Variants in FOXN4 observed in about 807,000 individuals in gnomAD.
FOXN4 encodes the protein forkhead box protein N4.
In FOXN4, 12 loss-of-function variants were observed where a neutral mutation model predicts 45.0. That is an observed-to-expected ratio of 0.27 (90% CI 0.17 to 0.43). FOXN4 has a LOEUF of 0.43. Ranked by LOEUF, FOXN4 falls within the 20% of genes least tolerant of loss-of-function variation. The pLI, the probability that FOXN4 is intolerant of heterozygous loss-of-function variation, is 1.00. For synonymous variants in FOXN4, 297 were observed against 295.0 expected, an observed-to-expected ratio of 1.01 and a Z score of -0.07; for missense variants, 560 against 694.9, an observed-to-expected ratio of 0.81 and a Z score of 2.18.
Position 109,290,148 on chromosome 12 carries a change from T to A in FOXN4, c.225A>T (p.Pro75=), listed in dbSNP as rs2047752754. Residue 75 remains proline (P), a synonymous_variant, in exon 3 of 10, where the codon CCA becomes CCT. Transcript: ENST00000299162. The surrounding 1 kb of genome is among the most constrained non-coding windows in gnomAD (Gnocchi z 5.1). Reference sequence around the variant, plus strand: ...CCTTGTCCCTGAGCCTACCTGGGTGTGGATGTGGCACGCAGGGGCCACCCA... The same window carrying A: ...CCTTGTCCCTGAGCCTACCTGGGTGAGGATGTGGCACGCAGGGGCCACCCA... ...VDLGGPCVPH[P]HPGALAGVAD... 1.2e-5 allele frequency: 18 copies of A among 1,547,252 alleles called. No homozygotes were observed. The highest frequency in any genetic ancestry group is 1.6e-5 in the Non-Finnish European group (18 of 1,144,748).
At chr12:109,281,224 A>C (rs747295274) in intron 9 of FOXN4, among the ~76,000 whole-genome samples, 183 bp downstream of exon 9, 1 of 152,144 alleles carries the variant, frequency 6.6e-6, no homozygotes, top group Non-Finnish European at 1.5e-5. Flanking sequence ...GAGCTCAAAA[A>C]TTTTTGGATT....
chr12:109,295,056 C>T (rs1007216243), intron 2 of FOXN4, among the ~76,000 whole-genome samples: 5 of 152,160 alleles, frequency 3.3e-5, no homozygotes, highest in Non-Finnish European at 7.3e-5. Flanking sequence ...CCTCAGTTTC[C>T]CACCTGTAAA....
At position 109,290,980 on chromosome 12, in the gene FOXN4, G is replaced by T. The variant is rs900566675; in HGVS notation, c.87-694C>A. 1.3e-5 allele frequency among the ~76,000 whole-genome samples: 2 copies of T among 152,144 alleles called. No individual in the cohort carries two copies. Among genetic ancestry groups the T allele is most frequent in the African/African-American group, 4.8e-5 (2 of 41,426 alleles). On this transcript the variant is annotated intron_variant, in intron 2 of 9. Coordinates refer to ENST00000299162, the MANE Select transcript of FOXN4 (RefSeq NM_213596.3). This position sits in a 1 kb window ranked among gnomAD's most constrained non-coding sequence, Gnocchi z 5.1. ...CCCCTCGTACAGATGAGAAAACTGAGGCTTGGAGCACCGAGTCACCTGCCC... is the reference window on the plus strand; with the variant it reads ...CCCCTCGTACAGATGAGAAAACTGATGCTTGGAGCACCGAGTCACCTGCCC...
At position 109,290,282 on chromosome 12, in the gene FOXN4, G is replaced by A. The variant is rs777669739; in HGVS notation, c.91C>T (p.Leu31=). The change falls in exon 3 of 10, where the codon CTA becomes TTA. Residue 31 remains leucine (L), a synonymous_variant. Transcript: ENST00000299162. This position sits in a 1 kb window ranked among gnomAD's most constrained non-coding sequence, Gnocchi z 5.1. The part of the protein sequence containing the change: ...HHPSPQEYRL[L]ATTSDDDLPG... Reference sequence around the variant, plus strand: ...AGGTCATCATCGCTGGTGGTGGCTAGAAGCCTGCAAAGAGGAACAGAGAAC... The same window carrying A: ...AGGTCATCATCGCTGGTGGTGGCTAAAAGCCTGCAAAGAGGAACAGAGAAC... 1.3e-6 allele frequency: 2 copies of A among 1,547,952 alleles called. No individual in the cohort carries two copies. Among genetic ancestry groups the A allele is most frequent in the South Asian group, 1.2e-5 (1 of 83,456 alleles).
chr12:109,279,393 T>C lies in FOXN4; in HGVS notation c.*278A>G. 3 of 505,932 alleles carry C rather than the reference T, an allele frequency of 5.9e-6. No individual in the cohort carries two copies. Among genetic ancestry groups the C allele is most frequent in the South Asian group, 2.4e-5 (1 of 42,036 alleles). The allele number at this position is 505,932 out of a possible 1,614,324, so 31.3% of individuals were successfully genotyped here. On this transcript the variant is annotated 3_prime_UTR_variant, in exon 10 of 10. Transcript: ENST00000299162. The stretch of plus-strand genomic sequence containing the variant: ...CATTGCGGCTCAGGCCTCGGAGGAG[T>C]GTCAAGGGGTCGGGGGATGCTGGGT...
At chr12:109,301,951 C>T (rs1385145480) in intron 2 of FOXN4, among the ~76,000 whole-genome samples, 3 of 152,172 alleles carry the variant, frequency 2.0e-5, no homozygotes, top group Admixed American at 6.5e-5. Context: ...AGCTTAAATA[C>T]ACCTCCTCCA....
At position 109,294,251 on chromosome 12, in the gene FOXN4, C is replaced by A. The variant is rs76837814; in HGVS notation, c.87-3965G>T. 4.6e-3 allele frequency among the ~76,000 whole-genome samples: 697 copies of A among 152,308 alleles called. 8 individuals are homozygous for A. The highest frequency in any genetic ancestry group is 0.037 in the Middle Eastern group (11 of 294). ...GGGGAAGGACAGCCCACAGGGGACA[C>A]GGCCAAAGCTCAGGCTTTGACTGGA... On this transcript the variant is annotated intron_variant, in intron 2 of 9. Coordinates refer to ENST00000299162, the MANE Select transcript of FOXN4 (RefSeq NM_213596.3).
rs182301146 is a variant in FOXN4 at position 109,300,154 on chromosome 12, A to G, written c.86+8082T>C. ...TTATAGTAAACATCTCCTGAAGAGT[A>G]TGGAGAAGTAGACCCCGTGAAGACA... On this transcript the variant is annotated intron_variant, in intron 2 of 9. Transcript: ENST00000299162. Among the ~76,000 whole-genome samples the G allele has an allele frequency of 4.3e-4, 66 of 152,340 alleles. 1 individual carries two copies. The highest frequency in any genetic ancestry group is 3.7e-3 in the Admixed American group (56 of 15,308).
In FOXN4 at chr12:109,288,026, G is replaced by A. The variant is rs138810256; in HGVS notation, c.357+30C>T. On this transcript the variant is annotated intron_variant, in intron 4 of 9. Transcript: ENST00000299162. The surrounding 1 kb of genome is among the most constrained non-coding windows in gnomAD (Gnocchi z 4.3). The stretch of plus-strand genomic sequence containing the variant: ...ACACCCAGTCTGGAGGGCACTACCC[G>A]CCCTCCGCAGTCCATGCAGTGCCAC... 5.7e-5 allele frequency: 89 copies of A among 1,549,848 alleles called. No individual in the cohort carries two copies. The highest frequency in any genetic ancestry group is 6.6e-5 in the Non-Finnish European group (76 of 1,146,760).
rs1035193764 is a variant in FOXN4 at position 109,288,778 on chromosome 12, C to T, written c.233-598G>A. 4.6e-5 allele frequency among the ~76,000 whole-genome samples: 7 copies of T among 152,220 alleles called. No homozygotes were observed. Among genetic ancestry groups the T allele is most frequent in the Admixed American group, 1.3e-4 (2 of 15,292 alleles). On this transcript the variant is annotated intron_variant, in intron 3 of 9. Transcript: ENST00000299162. The surrounding 1 kb of genome is among the most constrained non-coding windows in gnomAD (Gnocchi z 4.3). ...CTTACTGCTCTAGCCTGATTTTAGG[C>T]AGCCACCTCCAATCAAGCAAAGTTG...
chr12:109,304,005 A>G (rs530416418), intron 2 of FOXN4, among the ~76,000 whole-genome samples: 1 of 151,872 alleles, frequency 6.6e-6, no homozygotes, highest in South Asian at 2.1e-4. Flanking sequence ...AGCCTGGACA[A>G]TATGGTGAAA....
Position 109,279,679 on chromosome 12 carries a change from G to A in FOXN4, c.1546C>T (p.Leu516=). Residue 516 remains leucine, a synonymous_variant, in exon 10 of 10, where the codon CTG becomes TTG. Coordinates refer to ENST00000299162, the MANE Select transcript of FOXN4 (RefSeq NM_213596.3). The part of the protein sequence containing the change: ...LGAQGNKPIA[L]L ...CAGGTGAGGCTGACAGCTCAAAGCA[G>A]GGCTATAGGCTTGTTCCCCTGTGCA... 6.4e-7 allele frequency: 1 copy of A among 1,574,330 alleles called. No individual in the cohort carries two copies. Among genetic ancestry groups the A allele is most frequent in the Middle Eastern group, 1.7e-4 (1 of 6,024 alleles).
In FOXN4 at chr12:109,290,259, G is replaced by T; in HGVS notation, c.114C>A (p.Asp38Glu). The T allele has an allele frequency of 6.4e-7, 1 of 1,550,910 alleles. No homozygotes were observed. Among genetic ancestry groups the T allele is most frequent in the Non-Finnish European group, 8.7e-7 (1 of 1,146,658 alleles). ...YRLLATTSDDDLPGDLQSLSW... is the reference protein window; with the variant it reads ...YRLLATTSDDELPGDLQSLSW... ...ACAGCGACTGCAGGTCCCCGGGAAG[G>T]TCATCATCGCTGGTGGTGGCTAGAA... Residue 38 changes from aspartate to glutamate, a missense_variant, in exon 3 of 10, where the codon GAC (aspartate) becomes GAA (glutamate). Transcript: ENST00000299162. This position sits in a 1 kb window ranked among gnomAD's most constrained non-coding sequence, Gnocchi z 5.1.
At chr12:109,284,758 T>A (rs1294408996) in intron 8 of FOXN4, among the ~76,000 whole-genome samples, 4 of 147,158 alleles carry the variant, frequency 2.7e-5, no homozygotes, top group Non-Finnish European at 6.0e-5. Context: ...TGTGTGTGTG[T>A]GTTTGTGCAT....
At chr12:109,297,997 T>C (rs2047832962) in intron 2 of FOXN4, among the ~76,000 whole-genome samples, 1 of 152,158 alleles carries the variant, frequency 6.6e-6, no homozygotes, top group Admixed American at 6.5e-5. Context: ...AACAATCTTT[T>C]CCATCTTGAT....
At position 109,285,509 on chromosome 12, in the gene FOXN4, C is replaced by T. The variant is rs150027291; in HGVS notation, c.696G>A (p.Thr232=). 17 of 1,613,952 alleles carry T rather than the reference C, an allele frequency of 1.1e-5. No homozygotes were observed. The highest frequency in any genetic ancestry group is 8.0e-5 in the African/African-American group (6 of 75,044). ...CCGAGTTCTTCCACCCGTCGGGGGC[C>T]GTCTATGAAGACACATGGGCATTCA... ...FMKEHFPYFK[T]APDGWKNSVR... is the part of the protein sequence containing the mutation. Residue 232 remains threonine (T), a splice_region_variant and synonymous_variant, in exon 8 of 10, where the codon ACG becomes ACA. Transcript: ENST00000299162.
In FOXN4 at chr12:109,290,375, A is replaced by G; in HGVS notation, c.87-89T>C. ...CCCGACCTCTGGAAGCACCCGCTTA[A>G]TGTGCCTCATCTCCCCAAGCCACGC... On this transcript the variant is annotated intron_variant, in intron 2 of 9. Transcript: ENST00000299162. The surrounding 1 kb of genome is among the most constrained non-coding windows in gnomAD (Gnocchi z 5.1). The G allele has an allele frequency of 1.4e-6, 2 of 1,426,984 alleles. No homozygotes were observed. The highest frequency in any genetic ancestry group is 1.9e-6 in the Non-Finnish European group (2 of 1,077,180). The allele number at this position is 1,426,984 out of a possible 1,614,324, so 88.4% of individuals were successfully genotyped here.
intron 8 of FOXN4, among the ~76,000 whole-genome samples, chr12:109,284,535 C>A (rs543267740): frequency 6.6e-6 from 1 of 151,796 alleles, no homozygotes; most frequent in Non-Finnish European, 1.5e-5. Flanking sequence ...CCAGGTCCTT[C>A]CTCTTCCACT....
At chr12:109,302,707 G>A (rs533068020) in intron 2 of FOXN4, among the ~76,000 whole-genome samples, 1 of 152,112 alleles carries the variant, frequency 6.6e-6, no homozygotes, top group South Asian at 2.1e-4. Flanking sequence ...TTTAGGAGGG[G>A]TCTGCCTGAC....
Sources: allele counts gnomAD v4.1 joint callset (sites outside exome capture counted in the v4.1 genomes callset), GRCh38; gene constraint gnomAD v4.1.1; non-coding constraint Gnocchi (gnomAD v3.1); transcripts MANE v1.5; gene names NCBI Gene and HGNC (gene_info 2026-07-23, HGNC 2026-07-21).